The following PDE10A variants were observed in gnomAD, a reference collection of about 807,000 sequenced individuals.
PDE10A encodes phosphodiesterase 10A.
In PDE10A, 39 loss-of-function variants were observed where a neutral mutation model predicts 97.7. The observed-to-expected ratio is 0.40, with a 90% CI of 0.31 to 0.52. The LOEUF is 0.52. PDE10A is among the 20% of genes least tolerant of loss of function. The probability of loss-of-function intolerance (pLI) is 0.56; values close to 1 mark genes in which losing one functional copy is unlikely to be tolerated. For synonymous variants in PDE10A, 371 were observed against 376.8 expected (o/e 0.98, Z 0.18); for missense variants, 731 against 1,047.8 (o/e 0.70, Z 4.17).
At chr6:165,363,905 TTCA>T (rs1783595813) in intron 18 of PDE10A, among the ~76,000 whole-genome samples, 1 of 152,204 alleles carries the variant, frequency 6.6e-6, no homozygotes, top group Non-Finnish European at 1.5e-5. Flanking sequence ...GCATCTCATA[TTCA>T]CAGACTTAAT....
At chr6:165,887,772 C>G (rs1277276168) in intron 1 of PDE10A, among the ~76,000 whole-genome samples, 1 of 152,216 alleles carries the variant, frequency 6.6e-6, no homozygotes, top group Non-Finnish European at 1.5e-5. Flanking sequence ...CATTAAAGTT[C>G]ACTCTGATTA....
At chr6:165,814,643 T>C (rs961708659) in intron 1 of PDE10A, among the ~76,000 whole-genome samples, 1 of 152,208 alleles carries the variant, frequency 6.6e-6, no homozygotes, top group African/African-American at 2.4e-5. Context: ...GTAAAATTTG[T>C]AAGAAACCTC....
intron 1 of PDE10A, among the ~76,000 whole-genome samples, chr6:165,835,214 T>C (rs59756736): frequency 0.06 from 9,201 of 152,256 alleles, 397 homozygotes; most frequent in African/African-American, 0.12. Context: ...GACCTGCAAT[T>C]TATGATATTT....
intron 16 of PDE10A, among the ~76,000 whole-genome samples, chr6:165,390,604 A>G (rs2128214514): frequency 6.6e-6 from 1 of 152,312 alleles, no homozygotes; most frequent in South Asian, 2.1e-4. Flanking sequence ...GTGTTCTCCA[A>G]GAGGTGGAGG....
In PDE10A at chr6:165,383,198, T is replaced by C. The variant is rs114849164; in HGVS notation, c.2611-3832A>G. On this transcript the variant is annotated intron_variant, in intron 17 of 21. Coordinates refer to ENST00000539869, the MANE Select transcript of PDE10A (RefSeq NM_001385079.1). ...ATGTTCTCAATAATGAGAATAATCATTCCTAATTGGTCTGTTTTCTAAAAT... is the reference window on the plus strand; with the variant it reads ...ATGTTCTCAATAATGAGAATAATCACTCCTAATTGGTCTGTTTTCTAAAAT... Among the ~76,000 whole-genome samples the C allele has an allele frequency of 4.8e-3, 733 of 152,306 alleles. 11 individuals carry two copies. The highest frequency in any genetic ancestry group is 0.016 in the African/African-American group (684 of 41,566).
rs75435222 is a variant in PDE10A, at chr6:165,818,379, G to C, written c.-615+169150C>G. Reference sequence around the variant, plus strand: ...GAGGTTGGTTTCCTCTGTGCTAGTGGGTTGGTAACAATGGTGAAATGAAAT... The same window carrying C: ...GAGGTTGGTTTCCTCTGTGCTAGTGCGTTGGTAACAATGGTGAAATGAAAT... On this transcript the variant is annotated intron_variant, in intron 1 of 19. Transcript: ENST00000366882. Among the ~76,000 whole-genome samples the C allele has an allele frequency of 7.2e-5, 11 of 152,326 alleles. No individual in the cohort carries two copies. The East Asian group carries it at 2.1e-3, about 29-fold the overall frequency.
chr6:165,637,748 G>C (rs1456858370), intron 1 of PDE10A, among the ~76,000 whole-genome samples: 1 of 152,158 alleles, frequency 6.6e-6, no homozygotes, highest in Non-Finnish European at 1.5e-5. Flanking sequence ...CCCGGCACAG[G>C]CGGGGCGCGT....
intron 1 of PDE10A, among the ~76,000 whole-genome samples, chr6:165,620,190 T>C (rs1172898671): frequency 6.6e-6 from 1 of 152,192 alleles, no homozygotes; most frequent in Non-Finnish European, 1.5e-5. Flanking sequence ...CCACGATACA[T>C]TTTGCAATAC....
intron 1 of PDE10A, among the ~76,000 whole-genome samples, chr6:165,784,572 C>G (rs1217476645): frequency 1.3e-5 from 2 of 152,130 alleles, no homozygotes; most frequent in African/African-American, 4.8e-5. Flanking sequence ...TATTTAAATG[C>G]GCACTCAAAA....
At chr6:165,754,721 C>T (rs1447692971) in intron 1 of PDE10A, among the ~76,000 whole-genome samples, 1 of 152,078 alleles carries the variant, frequency 6.6e-6, no homozygotes, top group Non-Finnish European at 1.5e-5. Context: ...GTCACTTAAC[C>T]TCCTAAAGCT....
At chr6:165,805,665 T>C (rs550907417) in intron 1 of PDE10A, among the ~76,000 whole-genome samples, 1 of 152,182 alleles carries the variant, frequency 6.6e-6, no homozygotes, top group Non-Finnish European at 1.5e-5. Flanking sequence ...TGGCCTGAGA[T>C]AGACGCTGAG....
intron 1 of PDE10A, among the ~76,000 whole-genome samples, chr6:165,559,805 T>C (rs1430870709): frequency 6.6e-6 from 1 of 152,224 alleles, no homozygotes; most frequent in Non-Finnish European, 1.5e-5. Flanking sequence ...GTAGTGACTA[T>C]GTCTTACAAG....
At chr6:165,411,839 T>C (rs1787871288) in intron 13 of PDE10A, among the ~76,000 whole-genome samples, 1 of 152,128 alleles carries the variant, frequency 6.6e-6, no homozygotes, top group Admixed American at 6.5e-5. Flanking sequence ...ATATTAACAT[T>C]TGGGGAATAT....
At position 165,662,820 on chromosome 6, in the gene PDE10A, C is replaced by T. The variant is rs1790357052; in HGVS notation, c.-9G>A. On this transcript the variant is annotated 5_prime_UTR_variant, in exon 1 of 22. Transcript: ENST00000539869. ...TCCTCGAGGCTGGCCATGGTTCCTCCCCGGGCCGCGGAGGGGCAGGCCGCG... is the reference window on the plus strand; with the variant it reads ...TCCTCGAGGCTGGCCATGGTTCCTCTCCGGGCCGCGGAGGGGCAGGCCGCG... Among the ~76,000 whole-genome samples the T allele has an allele frequency of 6.7e-6, 1 of 149,634 alleles. No homozygotes were observed. The highest frequency in any genetic ancestry group is 6.6e-5 in the Admixed American group (1 of 15,146).
At chr6:165,838,828 CA>C (rs1780137233) in intron 1 of PDE10A, among the ~76,000 whole-genome samples, 1 of 152,340 alleles carries the variant, frequency 6.6e-6, no homozygotes, top group South Asian at 2.1e-4. Context: ...CCAGGGTTTC[CA>C]AAGTCTAGAC....
chr6:165,729,298 G>C (rs1374760355), intron 1 of PDE10A, among the ~76,000 whole-genome samples: 1 of 151,952 alleles, frequency 6.6e-6, no homozygotes, highest in Non-Finnish European at 1.5e-5. Flanking sequence ...ATATGGTAGA[G>C]ATTTAATTTT....
At chr6:165,761,817 A>G (rs1214473606) in intron 1 of PDE10A, among the ~76,000 whole-genome samples, 1 of 152,160 alleles carries the variant, frequency 6.6e-6, no homozygotes, top group East Asian at 1.9e-4. Flanking sequence ...AATATTTAGA[A>G]AATACATCCT....
rs1788786448 is a variant in PDE10A at position 165,422,446 on chromosome 6, CGCATATACACACACAG to C, written c.1654-3685_1654-3670del. On this transcript the variant is annotated intron_variant, in intron 10 of 21. Transcript: ENST00000539869. Reference sequence around the variant, plus strand: ...ATACACACATACGCATACACACATACGCATATACACACACAGGCATACACACATACGCATACACACC... The same window carrying C: ...ATACACACATACGCATACACACATACGCATACACACATACGCATACACACC... Among the ~76,000 whole-genome samples, 3 of 145,340 alleles carry C rather than the reference CGCATATACACACACAG, an allele frequency of 2.1e-5. No homozygotes were observed. In the South Asian group the frequency reaches 6.7e-4, roughly 32 times the overall value.
At chr6:165,436,935 A>C (rs1016151784) in intron 5 of PDE10A, among the ~76,000 whole-genome samples, 1 of 152,200 alleles carries the variant, frequency 6.6e-6, no homozygotes, top group African/African-American at 2.4e-5. Flanking sequence ...AGATAAATGC[A>C]AGAAAAAAAA....
Sources: gnomAD v4.1 joint callset for allele counts (sites outside exome capture counted in the v4.1 genomes callset) on GRCh38, gnomAD v4.1.1 for gene constraint, MANE v1.5 for transcripts, NCBI Gene and HGNC (gene_info 2026-07-23, HGNC 2026-07-21) for gene names.